The following XRCC4 variants were observed in gnomAD, a reference collection of about 807,000 sequenced individuals.
The protein encoded by XRCC4 is DNA repair protein XRCC4.
A neutral mutation model predicts 39.1 loss-of-function variants in XRCC4; 28 were observed. The observed-to-expected ratio is 0.72, with a 90% confidence interval of 0.53 to 0.98. The LOEUF (loss-of-function observed/expected upper bound fraction) is 0.98, where lower values mean the gene tolerates loss of function less well. Ranked by LOEUF, XRCC4 falls within the 50% of genes least tolerant of loss-of-function variation. XRCC4 has a pLI of 0.00. For synonymous variants in XRCC4, 123 were observed against 126.4 expected, an observed-to-expected ratio of 0.97 and a Z score of 0.18; for missense variants, 350 against 376.4, an observed-to-expected ratio of 0.93 and a Z score of 0.58.
chr5:83,248,150 TCATATGTG>T, intron 6 of XRCC4, among the ~76,000 whole-genome samples: 1 of 152,094 alleles, frequency 6.6e-6, no homozygotes, highest in East Asian at 1.9e-4. Context: ...ATAAGATTGA[TCATATGTG>T]CAAACCCAGG....
At chr5:83,081,337 C>T (rs1057445786) in intron 1 of XRCC4, among the ~76,000 whole-genome samples, 1 of 152,070 alleles carries the variant, frequency 6.6e-6, no homozygotes, top group Non-Finnish European at 1.5e-5. Flanking sequence ...CTTTTTTCCT[C>T]TTATCCTCAG....
chr5:83,293,017 C>A (rs977738040), intron 7 of XRCC4, among the ~76,000 whole-genome samples: 2 of 151,300 alleles, frequency 1.3e-5, no homozygotes, highest in Non-Finnish European at 3.0e-5. Context: ...TATTATAGAC[C>A]TTTTTTTTAC....
At chr5:83,159,585 A>T (rs910796444) in intron 3 of XRCC4, among the ~76,000 whole-genome samples, 2 of 152,228 alleles carry the variant, frequency 1.3e-5, no homozygotes, top group African/African-American at 4.8e-5. Context: ...GGGGCCTCAC[A>T]TGACCTTGTT....
chr5:83,312,359 GTTAT>G (rs1158554411), intron 7 of XRCC4, among the ~76,000 whole-genome samples: 1 of 152,058 alleles, frequency 6.6e-6, no homozygotes, highest in East Asian at 1.9e-4. Context: ...AGAGTTTGAG[GTTAT>G]TAGACCACTC....
At chr5:83,301,005 A>G (rs1755265169) in intron 7 of XRCC4, among the ~76,000 whole-genome samples, 1 of 152,042 alleles carries the variant, frequency 6.6e-6, no homozygotes, top group Non-Finnish European at 1.5e-5. Context: ...GTTGGTTCCA[A>G]TTCTTTGCTA....
chr5:83,191,427 G>A (rs114698545), intron 3 of XRCC4, among the ~76,000 whole-genome samples: 2,904 of 152,188 alleles, frequency 0.019, 79 homozygotes, highest in African/African-American at 0.064. Context: ...AGGAGTGTCC[G>A]GGCACAGTGG....
At chr5:83,213,861 C>G (rs1162962313) in intron 6 of XRCC4, among the ~76,000 whole-genome samples, 3 of 152,196 alleles carry the variant, frequency 2.0e-5, no homozygotes, top group Non-Finnish European at 2.9e-5. Context: ...GAATTATACA[C>G]TATGACCAAC....
chr5:83,206,259 C>T (rs1352657323), intron 6 of XRCC4, among the ~76,000 whole-genome samples: 1 of 151,998 alleles, frequency 6.6e-6, no homozygotes, highest in African/African-American at 2.4e-5. Flanking sequence ...GAAGCTAGTA[C>T]AACAATTCGG....
At chr5:83,129,604 A>G (rs1248188526) in intron 3 of XRCC4, among the ~76,000 whole-genome samples, 1 of 152,172 alleles carries the variant, frequency 6.6e-6, no homozygotes, top group East Asian at 1.9e-4. Context: ...CTTCCTATCC[A>G]TGAGCATGGA....
rs1466605638 is a variant in XRCC4 at position 83,277,708 on chromosome 5, A to T, written c.893+19031A>T. On this transcript the variant is annotated intron_variant, in intron 7 of 7. Coordinates refer to ENST00000396027, the MANE Select transcript of XRCC4 (RefSeq NM_003401.5). ...TTGACACCTTCACTGTAAGCAGAAT[A>T]GTCAAAATAAACCATTGTTTAGCTA... Among the ~76,000 whole-genome samples the T allele has an allele frequency of 2.6e-5, 4 of 152,358 alleles. No homozygotes were observed. In the East Asian group the frequency reaches 7.7e-4, roughly 29 times the overall value.
chr5:83,367,179 A>G, the XRCC4 span, among the ~76,000 whole-genome samples: 16 of 152,308 alleles, frequency 1.1e-4, no homozygotes, highest in African/African-American at 3.8e-4. Flanking sequence ...TAAGTCATAG[A>G]AAGCTTTGTT....
chr5:83,217,226 G>A (rs1308662249), intron 6 of XRCC4, among the ~76,000 whole-genome samples: 10 of 151,930 alleles, frequency 6.6e-5, no homozygotes, highest in South Asian at 2.1e-4. Context: ...GCATGGTGGC[G>A]TATGCCTGTA....
the XRCC4 span, among the ~76,000 whole-genome samples, chr5:83,366,332 C>CA: frequency 6.6e-6 from 1 of 152,138 alleles, no homozygotes; most frequent in African/African-American, 2.4e-5. Flanking sequence ...TACAGCAGAA[C>CA]AAAACAAGAC....
At chr5:83,243,713 A>C (rs1752996064) in intron 6 of XRCC4, among the ~76,000 whole-genome samples, 1 of 152,216 alleles carries the variant, frequency 6.6e-6, no homozygotes, top group Non-Finnish European at 1.5e-5. Context: ...AATGAGAGCT[A>C]GGAAAAAGAT....
chr5:83,309,973 T>C (rs955783595), intron 7 of XRCC4, among the ~76,000 whole-genome samples: 2 of 152,190 alleles, frequency 1.3e-5, no homozygotes, highest in Admixed American at 6.5e-5. Flanking sequence ...CTTAATAGTA[T>C]ACATTTTCTT....
intron 7 of XRCC4, among the ~76,000 whole-genome samples, chr5:83,261,762 A>C (rs1483731753): frequency 6.6e-6 from 1 of 151,978 alleles, no homozygotes; most frequent in Non-Finnish European, 1.5e-5. Context: ...ACTCTTCACC[A>C]CTTTCAAAAC....
chr5:83,365,528 C>T, the XRCC4 span, among the ~76,000 whole-genome samples: 46 of 151,834 alleles, frequency 3.0e-4, no homozygotes, highest in Non-Finnish European at 2.9e-4. Context: ...TGTCTTTAGT[C>T]CCAGAAGGGT....
chr5:83,284,120 A>C (rs535836884), intron 7 of XRCC4, among the ~76,000 whole-genome samples: 7 of 151,574 alleles, frequency 4.6e-5, no homozygotes, highest in Non-Finnish European at 2.9e-5. Context: ...CATAAAATAC[A>C]TAGAGGTTTT....
At chr5:83,100,636 T>C (rs1443217922) in intron 1 of XRCC4, among the ~76,000 whole-genome samples, 4 of 152,130 alleles carry the variant, frequency 2.6e-5, no homozygotes, top group Admixed American at 6.6e-5. Flanking sequence ...TAAGTATGTG[T>C]GCATCTGTGT....
Sources: allele counts gnomAD v4.1 joint callset (sites outside exome capture counted in the v4.1 genomes callset), GRCh38; gene constraint gnomAD v4.1.1; transcripts MANE v1.5; gene names NCBI Gene and HGNC (gene_info 2026-07-23, HGNC 2026-07-21).